The following CABIN1 variants were observed in gnomAD, a reference collection of about 807,000 sequenced individuals.
The protein encoded by CABIN1 is calcineurin-binding protein cabin-1.
Under a neutral mutation model 227.7 loss-of-function variants are expected in CABIN1, and 133 were observed. That is an observed-to-expected ratio of 0.58 (90% CI 0.51 to 0.67). The LOEUF (loss-of-function observed/expected upper bound fraction) is 0.67, where lower values mean the gene tolerates loss of function less well. Ranked by LOEUF, CABIN1 falls within the 30% of genes least tolerant of loss-of-function variation. The probability of loss-of-function intolerance (pLI) is 0.00; values close to 1 mark genes in which losing one functional copy is unlikely to be tolerated. For missense variants in CABIN1, 2,408 were observed against 2,852.5 expected, an observed-to-expected ratio of 0.84 and a Z score of 3.55; for synonymous variants, 1,086 against 1,155.1, an observed-to-expected ratio of 0.94 and a Z score of 1.21.
At chr22:24,067,711 G>A (rs1268439018) in intron 16 of CABIN1, among the ~76,000 whole-genome samples, 1 of 152,188 alleles carries the variant, frequency 6.6e-6, no homozygotes, top group Non-Finnish European at 1.5e-5. Flanking sequence ...ACTGGCAGCT[G>A]CTGGGTGCTG....
chr22:24,175,914 T>C (rs762776411), intron 34 of CABIN1, 197 bp from the exon 35 acceptor site: 114 of 678,180 alleles, frequency 1.7e-4, no homozygotes, highest in Non-Finnish European at 2.4e-4. Flanking sequence ...AGCCAGCCCC[T>C]ACCAGTGTCC....
rs559602134 is a variant in CABIN1 at position 24,166,652 on chromosome 22, C to G, written c.5021C>G (p.Pro1674Arg). The G allele has an allele frequency of 4.3e-6, 7 of 1,612,808 alleles. No individual in the cohort carries two copies. In the East Asian group the frequency reaches 1.6e-4, roughly 36 times the overall value. Residue 1674 changes from proline to arginine, a missense_variant, in exon 32 of 37, where the codon CCA (proline) becomes CGA (arginine). Pro to Arg is a moderately radical substitution (Grantham distance 103). Transcript: ENST00000263119. ...GTTTCTTTGTAGGGGTCAGAACGCCCAGGGCCCAAGGTCTGTGGCCTCCCC... is the reference window on the plus strand; with the variant it reads ...GTTTCTTTGTAGGGGTCAGAACGCCGAGGGCCCAAGGTCTGTGGCCTCCCC... Reference protein sequence around the residue: ...LSELAEGSERPGPKVCGLPGA... With the variant: ...LSELAEGSERRGPKVCGLPGA...
chr22:24,054,101 G>T (rs1182413590), intron 8 of CABIN1, among the ~76,000 whole-genome samples: 1 of 152,184 alleles, frequency 6.6e-6, no homozygotes, highest in Non-Finnish European at 1.5e-5. Flanking sequence ...ATTGCAGGGG[G>T]TGGTGTGAGA....
chr22:24,098,428 G>T (rs1569212855), intron 26 of CABIN1: 1 of 766,904 alleles, frequency 1.3e-6, no homozygotes, highest in South Asian at 1.7e-5. Context: ...AGGGGAGGGG[G>T]CAGGCCAGGC....
At chr22:24,071,191 G>T in intron 17 of CABIN1, 149 bp downstream of exon 17, 1 of 1,117,840 alleles carries the variant, frequency 8.9e-7, no homozygotes. Flanking sequence ...CGGGATCTGA[G>T]GAGGGGTTTG....
intron 29 of CABIN1, among the ~76,000 whole-genome samples, chr22:24,163,524 G>C (rs1329330785): frequency 6.6e-6 from 1 of 152,144 alleles, no homozygotes; most frequent in African/African-American, 2.4e-5. Context: ...TCATAACCTT[G>C]GTCCATTCTG....
chr22:24,116,494 G>A (rs1429139470), intron 27 of CABIN1, among the ~76,000 whole-genome samples: 1 of 152,174 alleles, frequency 6.6e-6, no homozygotes, highest in African/African-American at 2.4e-5. Context: ...AGGCCACCCT[G>A]GGGGCAGTTG....
chr22:24,042,951 A>G lies in CABIN1; in HGVS notation c.393A>G (p.Gly131=). 1 of 1,612,670 alleles carries G rather than the reference A, an allele frequency of 6.2e-7. No homozygotes were observed. Among genetic ancestry groups the G allele is most frequent in the Non-Finnish European group, 8.5e-7 (1 of 1,179,808 alleles). ...ATGTCAACCTCTGGTATAAGATTGGACATGTGGCCCTGAGGCTCATCCGGA... is the reference window on the plus strand; with the variant it reads ...ATGTCAACCTCTGGTATAAGATTGGGCATGTGGCCCTGAGGCTCATCCGGA... ...STDVNLWYKI[G]HVALRLIRIP... is the part of the protein sequence containing the mutation. The change falls in exon 6 of 37, where the codon GGA becomes GGG. Residue 131 remains glycine (G), a synonymous_variant. Coordinates refer to ENST00000263119, the MANE Select transcript of CABIN1 (RefSeq NM_012295.4).
intron 26 of CABIN1, among the ~76,000 whole-genome samples, chr22:24,099,189 C>A (rs1479085851): frequency 1.3e-5 from 2 of 152,226 alleles, no homozygotes; most frequent in East Asian, 3.8e-4. Flanking sequence ...TTGCCCAGTG[C>A]TCGGGTTCCT....
intron 26 of CABIN1, among the ~76,000 whole-genome samples, chr22:24,112,896 A>G (rs912546781): frequency 1.3e-5 from 2 of 151,978 alleles, no homozygotes; most frequent in Admixed American, 6.6e-5. Flanking sequence ...CATAGCATCA[A>G]CTACTCCTCC....
At chr22:24,064,788 C>T (rs1277200551) in intron 15 of CABIN1, among the ~76,000 whole-genome samples, 1 of 152,092 alleles carries the variant, frequency 6.6e-6, no homozygotes, top group Non-Finnish European at 1.5e-5. Context: ...ATCCATTTAA[C>T]CCTGAGTGGA....
At chr22:24,121,661 T>G (rs1351314372) in intron 28 of CABIN1, among the ~76,000 whole-genome samples, 4 of 152,254 alleles carry the variant, frequency 2.6e-5, no homozygotes, top group Non-Finnish European at 5.9e-5. Context: ...TGATATGAAC[T>G]CTGTTGGGCT....
intron 14 of CABIN1, 31 bp downstream of exon 14, chr22:24,063,177 A>C (rs1425921466): frequency 6.2e-7 from 1 of 1,610,408 alleles, no homozygotes; most frequent in Admixed American, 1.7e-5. Flanking sequence ...CTTGGGGAGC[A>C]TGCCCTGACA....
intron 29 of CABIN1, among the ~76,000 whole-genome samples, chr22:24,148,275 C>T (rs987028826): frequency 2.0e-5 from 3 of 152,218 alleles, no homozygotes; most frequent in African/African-American, 7.2e-5. Flanking sequence ...AAGAGTGTGT[C>T]TTTATGGCAG....
intron 23 of CABIN1, among the ~76,000 whole-genome samples, chr22:24,088,794 A>C (rs1462528988): frequency 6.6e-6 from 1 of 152,212 alleles, no homozygotes; most frequent in East Asian, 1.9e-4. Context: ...CTAGAAAAAA[A>C]CACCAATCTA....
intron 1 of CABIN1, among the ~76,000 whole-genome samples, chr22:24,020,608 G>A (rs2035651774): frequency 6.6e-6 from 1 of 152,158 alleles, no homozygotes; most frequent in African/African-American, 2.4e-5. Context: ...GAGCCACCAT[G>A]TCTGTCCGTT....
Position 24,050,981 on chromosome 22 carries a change from T to G in CABIN1, c.806+7T>G. ...AGCCCATTCCTTTCTTCACGTAGGTTGTCTAGCGTCTCTGGGAGTGCTGGG... is the reference window on the plus strand; with the variant it reads ...AGCCCATTCCTTTCTTCACGTAGGTGGTCTAGCGTCTCTGGGAGTGCTGGG... On this transcript the variant is annotated splice_region_variant and intron_variant, in intron 8 of 36. Transcript: ENST00000263119. 1 of 1,614,116 alleles carries G rather than the reference T, an allele frequency of 6.2e-7. No individual in the cohort carries two copies. Among genetic ancestry groups the G allele is most frequent in the South Asian group, 1.1e-5 (1 of 91,080 alleles).
intron 17 of CABIN1, 185 bp downstream of exon 17, chr22:24,071,227 G>A (rs1601910002): frequency 2.6e-6 from 2 of 756,394 alleles, no homozygotes; most frequent in East Asian, 5.4e-5. Context: ...CCTTCCTGGG[G>A]CTGGTCGGAT....
chr22:24,134,536 G>C, intron 29 of CABIN1, 121 bp downstream of exon 29: 1 of 756,462 alleles, frequency 1.3e-6, no homozygotes, highest in Admixed American at 2.0e-5. Context: ...CATCCTCAGA[G>C]GGCAGGCAGG....
Sources: gnomAD v4.1 joint callset for allele counts (sites outside exome capture counted in the v4.1 genomes callset) on GRCh38, gnomAD v4.1.1 for gene constraint, MANE v1.5 for transcripts, NCBI Gene and HGNC (gene_info 2026-07-23, HGNC 2026-07-21) for gene names.